DCHS2: variants seen among roughly 807,000 people sequenced by gnomAD.
The protein encoded by DCHS2 is dachsous cadherin-related 2.
In DCHS2, 142 loss-of-function variants were observed where a neutral mutation model predicts 182.4. The observed-to-expected ratio is 0.78, with a 90% CI of 0.68 to 0.89. DCHS2 has a LOEUF of 0.89. Ranked by LOEUF, DCHS2 falls within the 40% of genes least tolerant of loss-of-function variation. DCHS2 has a pLI of 0.00. For missense variants in DCHS2, 4,319 were observed against 4,198.6 expected (o/e 1.03, Z -0.79); for synonymous variants, 1,740 against 1,663.3 (o/e 1.05, Z -1.12).
intron 13 of DCHS2, among the ~76,000 whole-genome samples, chr4:154,287,480 GTCT>G (rs1734456644): frequency 6.6e-6 from 1 of 152,092 alleles, no homozygotes; most frequent in East Asian, 1.9e-4. Context: ...TTAAGGTATA[GTCT>G]TCTTTAAAAA....
intron 13 of DCHS2, among the ~76,000 whole-genome samples, chr4:154,275,285 C>T (rs573102064): frequency 2.6e-5 from 4 of 152,092 alleles, no homozygotes; most frequent in Non-Finnish European, 2.9e-5. Context: ...AGCAAGAAAA[C>T]CCAACTGAAT....
At chr4:154,398,091 G>A (rs1401812782) in intron 1 of DCHS2, among the ~76,000 whole-genome samples, 1 of 152,118 alleles carries the variant, frequency 6.6e-6, no homozygotes, top group African/African-American at 2.4e-5. Context: ...GCTTTAAGGA[G>A]GAAAAATCCC....
Position 154,320,431 on chromosome 4 carries a change from G to C in DCHS2, c.4968C>G (p.Tyr1656Ter), listed in dbSNP as rs755392318. 6.2e-7 allele frequency: 1 copy of C among 1,613,974 alleles called. No individual in the cohort carries two copies. The highest frequency in any genetic ancestry group is 2.2e-5 in the East Asian group (1 of 44,886). The change falls in exon 9 of 20, where the codon TAC becomes TAG. Residue 1656 changes from tyrosine to a stop codon, truncating the protein, a stop_gained. Coordinates refer to ENST00000357232, the MANE Select transcript of DCHS2 (RefSeq NM_001358235.2). LOFTEE classifies it high-confidence loss of function. Reference protein sequence around the residue: ...PDEGRNGKVTYSILSGNENMT... With the variant: ...PDEGRNGKVT Reference sequence around the variant, plus strand: ...TGTTTTCATTTCCTGAGAGGATGCTGTATGTTACTTTTCCATTCCTTCCTT... The same window carrying C: ...TGTTTTCATTTCCTGAGAGGATGCTCTATGTTACTTTTCCATTCCTTCCTT...
chr4:154,487,468 T>G (rs912641793), intron 1 of DCHS2, among the ~76,000 whole-genome samples: 1 of 152,348 alleles, frequency 6.6e-6, no homozygotes. Context: ...GTCACTAATA[T>G]TTGTGGATTT....
At chr4:154,461,384 A>G (rs2110998218) in intron 1 of DCHS2, among the ~76,000 whole-genome samples, 1 of 152,276 alleles carries the variant, frequency 6.6e-6, no homozygotes, top group African/African-American at 2.4e-5. Context: ...TAGTTCTGAA[A>G]CCATAAAAAC....
chr4:154,341,365 T>C (rs1729088946), intron 3 of DCHS2, among the ~76,000 whole-genome samples: 1 of 127,936 alleles, frequency 7.8e-6, no homozygotes, highest in Non-Finnish European at 1.6e-5. Context: ...CGAGACTCTG[T>C]CTCAAAAAAA....
intron 1 of DCHS2, among the ~76,000 whole-genome samples, chr4:154,431,303 G>A (rs1733549470): frequency 6.6e-6 from 1 of 152,064 alleles, no homozygotes; most frequent in African/African-American, 2.4e-5. Context: ...CAGTGTGTAT[G>A]ACTTAAAGAA....
rs546119717 is a variant in DCHS2, at chr4:154,298,879, G to T, written c.5606-171C>A. 123 of 967,968 alleles carry T rather than the reference G, an allele frequency of 1.3e-4. No homozygotes were observed. In the African/African-American group the frequency reaches 1.9e-3, roughly 15 times the overall value. 60.0% of individuals were successfully genotyped at this position (967,968 alleles called of 1,614,324 possible). On this transcript the variant is annotated intron_variant, in intron 12 of 19. Coordinates refer to ENST00000357232, the MANE Select transcript of DCHS2 (RefSeq NM_001358235.2). ...GGATATAACAGTAAGCATGATAAAG[G>T]CTCTGCCCTCATGAAACTTCTATTG... is the stretch of plus-strand genomic sequence containing the variant.
intron 1 of DCHS2, among the ~76,000 whole-genome samples, chr4:154,407,124 G>A (rs1181586913): frequency 6.6e-6 from 1 of 152,166 alleles, no homozygotes; most frequent in African/African-American, 2.4e-5. Flanking sequence ...GCAACATGAG[G>A]GAGGACAGGA....
At chr4:154,323,550 G>C (rs1275811757) in intron 7 of DCHS2, among the ~76,000 whole-genome samples, 1 of 152,038 alleles carries the variant, frequency 6.6e-6, no homozygotes, top group Admixed American at 6.6e-5. Flanking sequence ...TATTCTTTAA[G>C]TTTTGTGAAG....
Position 154,236,333 on chromosome 4 carries a change from GC to G in DCHS2, c.8318del (p.Ser2773ThrfsTer19), listed in dbSNP as rs1731499875. 1 of 1,613,950 alleles carries G rather than the reference GC, an allele frequency of 6.2e-7. No individual in the cohort carries two copies. The highest frequency in any genetic ancestry group is 1.3e-5 in the African/African-American group (1 of 74,928). On this transcript the variant is annotated frameshift_variant, in exon 20 of 20. Transcript: ENST00000357232. LOFTEE classifies it low-confidence loss of function (END_TRUNC). ...GATTTTCTGGAACAATACAGCTGAA[GC>G]TTGAGAACATAAACTGAGGTGCATG... ...NDHAPQFMFS[S>X]FSCIVPENLP...
intron 1 of DCHS2, among the ~76,000 whole-genome samples, chr4:154,447,679 T>A (rs996889265): frequency 6.6e-6 from 1 of 152,182 alleles, no homozygotes. Context: ...AGGGCTTTAA[T>A]AACAATATTC....
At chr4:154,391,858 C>G (rs867043092) in intron 1 of DCHS2, among the ~76,000 whole-genome samples, 1 of 152,110 alleles carries the variant, frequency 6.6e-6, no homozygotes, top group Non-Finnish European at 1.5e-5. Context: ...TTCCTTTTGA[C>G]CAATATTCTA....
At chr4:154,405,654 A>G (rs566362388) in intron 1 of DCHS2, among the ~76,000 whole-genome samples, 1 of 152,256 alleles carries the variant, frequency 6.6e-6, no homozygotes, top group East Asian at 1.9e-4. Flanking sequence ...TTCCTTAGCT[A>G]ATTTTCATAG....
intron 1 of DCHS2, among the ~76,000 whole-genome samples, chr4:154,481,428 A>ATTTTTGTAT (rs1358618638): frequency 6.6e-6 from 1 of 151,396 alleles, no homozygotes; most frequent in Non-Finnish European, 1.5e-5. Context: ...CACCTGGCTA[A>ATTTTTGTAT]TTTTTGTATT....
At chr4:154,307,676 T>A (rs1462838394) in intron 10 of DCHS2, among the ~76,000 whole-genome samples, 1 of 152,164 alleles carries the variant, frequency 6.6e-6, no homozygotes, top group African/African-American at 2.4e-5. Flanking sequence ...CAACCATCTC[T>A]TTACTCCATT....
At chr4:154,354,394 T>G (rs1561063523) in intron 3 of DCHS2, among the ~76,000 whole-genome samples, 1 of 152,248 alleles carries the variant, frequency 6.6e-6, no homozygotes, top group South Asian at 2.1e-4. Flanking sequence ...TGATGTCAAT[T>G]GGACCATCAA....
At chr4:154,246,547 A>G (rs1176937433) in intron 16 of DCHS2, among the ~76,000 whole-genome samples, 4 of 152,172 alleles carry the variant, frequency 2.6e-5, no homozygotes, top group African/African-American at 4.8e-5. Context: ...TTCAGCATGA[A>G]AAAGAGAGCT....
chr4:154,446,982 T>C (rs1734325359), intron 1 of DCHS2, among the ~76,000 whole-genome samples: 1 of 151,322 alleles, frequency 6.6e-6, no homozygotes, highest in Admixed American at 6.6e-5. Flanking sequence ...ACACACATAA[T>C]AAATGCAAGT....
Sources: allele counts gnomAD v4.1 joint callset (sites outside exome capture counted in the v4.1 genomes callset), GRCh38; gene constraint gnomAD v4.1.1; transcripts MANE v1.5; gene names NCBI Gene and HGNC (gene_info 2026-07-23, HGNC 2026-07-21).